The following NEK1 variants were observed in gnomAD, a reference collection of about 807,000 sequenced individuals.
NEK1 encodes the protein NIMA related kinase 1, also known as serine/threonine-protein kinase Nek1.
Under a neutral mutation model 182.1 loss-of-function variants are expected in NEK1, and 137 were observed. The ratio of observed to expected loss-of-function variants is 0.75; its 90% CI spans 0.65 to 0.87. The LOEUF is 0.87. Among genes scored for constraint, NEK1 ranks in the 40% least tolerant of loss-of-function variants. The pLI is 0.00. For missense variants in NEK1, 1,391 were observed against 1,494.4 expected (o/e 0.93, Z 1.14); for synonymous variants, 513 against 492.2 (o/e 1.04, Z -0.56).
At chr4:169,477,099 G>C (rs566829726) in intron 26 of NEK1, 25 bp downstream of exon 26, 18 of 1,479,656 alleles carry the variant, frequency 1.2e-5, no homozygotes, top group Non-Finnish European at 1.7e-5. Flanking sequence ...ACCTAAATAG[G>C]ATATTAATAT....
At chr4:169,566,870 G>A (rs1027591705) in intron 12 of NEK1, among the ~76,000 whole-genome samples, 3 of 152,134 alleles carry the variant, frequency 2.0e-5, no homozygotes, top group Non-Finnish European at 4.4e-5. Context: ...TTGGGAGGCC[G>A]AGGTGGGTGG....
At chr4:169,514,835 C>G (rs1372641782) in intron 19 of NEK1, among the ~76,000 whole-genome samples, 1 of 151,928 alleles carries the variant, frequency 6.6e-6, no homozygotes. Flanking sequence ...TATTACTGGT[C>G]TCAATTTTAT....
chr4:169,497,725 G>T (rs1311486312), intron 23 of NEK1, among the ~76,000 whole-genome samples: 3 of 152,142 alleles, frequency 2.0e-5, no homozygotes, highest in African/African-American at 2.4e-5. Context: ...TTGAGTGAGT[G>T]TCTTAATCCT....
intron 26 of NEK1, among the ~76,000 whole-genome samples, chr4:169,475,596 CAGA>C (rs757496931): frequency 1.3e-5 from 2 of 152,078 alleles, no homozygotes; most frequent in Non-Finnish European, 2.9e-5. Context: ...TGCAAAGAAG[CAGA>C]AGAATACAAC....
At chr4:169,589,113 T>C (rs1382244678) in intron 7 of NEK1, among the ~76,000 whole-genome samples, 1 of 152,218 alleles carries the variant, frequency 6.6e-6, no homozygotes, top group Admixed American at 6.5e-5. Flanking sequence ...GTATCTTTTC[T>C]ATGTTTAAAC....
intron 12 of NEK1, among the ~76,000 whole-genome samples, chr4:169,566,909 G>T (rs188155571): frequency 7.8e-4 from 119 of 152,174 alleles, no homozygotes; most frequent in African/African-American, 2.8e-3. Context: ...TTTGACAATA[G>T]CTTGAACAAC....
chr4:169,581,072 G>A (rs1039562917), intron 10 of NEK1, among the ~76,000 whole-genome samples, 170 bp from the exon 11 acceptor site: 3 of 143,738 alleles, frequency 2.1e-5, no homozygotes, highest in Non-Finnish European at 4.5e-5. Flanking sequence ...AAGAAGCCCA[G>A]GTGTCGTGGT....
Position 169,450,148 on chromosome 4 carries a change from G to A in NEK1, c.2588-11889C>T, listed in dbSNP as rs569624749. On this transcript the variant is annotated intron_variant, in intron 27 of 35. Transcript: ENST00000507142. ...TAGAGAAAAAAGAGTAAAAAGAAAC[G>A]AACAAGGCCTCCAAGAAATATGACA... Among the ~76,000 whole-genome samples, 6 of 152,106 alleles carry A rather than the reference G, an allele frequency of 3.9e-5. 1 individual carries two copies. Among genetic ancestry groups the A allele is most frequent in the African/African-American group, 1.2e-4 (5 of 41,510 alleles).
intron 19 of NEK1, among the ~76,000 whole-genome samples, chr4:169,514,599 GT>G (rs1754795104): frequency 6.6e-6 from 1 of 152,174 alleles, no homozygotes; most frequent in Non-Finnish European, 1.5e-5. Flanking sequence ...AGTTTTGGTA[GT>G]TTACGAATTT....
At chr4:169,473,258 A>C (rs548649497) in intron 26 of NEK1, among the ~76,000 whole-genome samples, 12 of 152,090 alleles carry the variant, frequency 7.9e-5, no homozygotes, top group East Asian at 1.9e-4. Flanking sequence ...AAAAAAAAAA[A>C]AAAACTGCAT....
rs1763017932 is a variant in NEK1, at chr4:169,562,138, T to G, written c.1079A>C (p.Glu360Ala). Residue 360 changes from glutamate to alanine, a missense_variant and splice_region_variant, in exon 13 of 36, where the codon GAG (glutamate) becomes GCG (alanine). By Grantham distance (107) the Glu-to-Ala change is moderately radical (BLOSUM62 -1). This residue lies in a region of NEK1 where 1,216 missense variants were observed against 1,277.6 expected (regional missense o/e 0.95). Transcript: ENST00000507142. ...ATAACCAGACAGATGTCTTTATACC[T>G]CAGATATTTTCCTCCTTTCTTCTCC... is the stretch of plus-strand genomic sequence containing the variant. ...NTGEERRKISEEAARKRRLEF... is the reference protein window; with the variant it reads ...NTGEERRKISAEAARKRRLEF... 1 of 1,532,548 alleles carries G rather than the reference T, an allele frequency of 6.5e-7. No homozygotes were observed. Among genetic ancestry groups the G allele is most frequent in the East Asian group, 2.4e-5 (1 of 41,328 alleles). 94.9% of individuals were successfully genotyped at this position (1,532,548 alleles called of 1,614,324 possible). A position where few individuals can be genotyped will look rare whatever the true frequency, so the allele number is the denominator to read the frequency against.
intron 19 of NEK1, among the ~76,000 whole-genome samples, chr4:169,509,644 A>G (rs1753868334): frequency 6.6e-6 from 1 of 152,106 alleles, no homozygotes; most frequent in Non-Finnish European, 1.5e-5. Flanking sequence ...AACTGAAATG[A>G]GCCCTTCTGA....
In NEK1 at chr4:169,612,036, G is replaced by T. The variant is rs1353470926; in HGVS notation, c.-65C>A. On this transcript the variant is annotated 5_prime_UTR_variant, in exon 2 of 36. Transcript: ENST00000507142. ...GGAACTCACCTCAGTGACACAGGAC[G>T]TTAGTAGGAATAACGGTGATGACTA... 6.6e-6 allele frequency: 1 copy of T among 152,222 alleles called. No homozygotes were observed. Among genetic ancestry groups the T allele is most frequent in the Non-Finnish European group, 1.5e-5 (1 of 68,044 alleles). The allele number at this position is 152,222 out of a possible 1,614,324, so 9.4% of individuals were successfully genotyped here.
At chr4:169,506,916 G>GA (rs891972257) in intron 23 of NEK1, 121 bp downstream of exon 23, 4 of 525,804 alleles carry the variant, frequency 7.6e-6, no homozygotes, top group African/African-American at 4.2e-5. Context: ...GTGAGAGAGA[G>GA]AATGAGAATG....
At chr4:169,570,476 C>A (rs367617759) in intron 12 of NEK1, among the ~76,000 whole-genome samples, 1 of 150,128 alleles carries the variant, frequency 6.7e-6, no homozygotes, top group African/African-American at 2.5e-5. Context: ...GCCCCCCGCC[C>A]GGCCAGCCGC....
chr4:169,407,305 A>G (rs969830339), intron 31 of NEK1, among the ~76,000 whole-genome samples: 1 of 152,092 alleles, frequency 6.6e-6, no homozygotes, highest in Non-Finnish European at 1.5e-5. Flanking sequence ...ACCACACATA[A>G]CTGACAGCCC....
intron 12 of NEK1, among the ~76,000 whole-genome samples, chr4:169,566,651 A>G (rs1441093066): frequency 6.6e-6 from 1 of 152,234 alleles, no homozygotes; most frequent in Non-Finnish European, 1.5e-5. Context: ...ATTAGCTTAA[A>G]TTTGTGCAAT....
In NEK1 at chr4:169,576,996, G is replaced by A. The variant is rs771792731; in HGVS notation, c.952C>T (p.Pro318Ser). ...TCTCCATATTTCTTATATGCTAAAGGTATTCCATATTTAGCGGCAGGCTTT... is the reference window on the plus strand; with the variant it reads ...TCTCCATATTTCTTATATGCTAAAGATATTCCATATTTAGCGGCAGGCTTT... The part of the protein sequence containing the change: ...ITKPAAKYGI[P>S]LAYKKYGDKK... The change falls in exon 12 of 36, where the codon CCT (proline) becomes TCT (serine). Residue 318 changes from proline to serine, a missense_variant. Physicochemically the swap from Pro to Ser is moderately conservative, Grantham distance 74. Around this residue, in one of 5 missense-constraint regions of NEK1, gnomAD observed 1,216 missense variants for 1,277.6 expected, o/e 0.95. Transcript: ENST00000507142. 8 of 1,611,800 alleles carry A rather than the reference G, an allele frequency of 5.0e-6. No individual in the cohort carries two copies. The African/African-American group carries it at 9.4e-5, about 19-fold the overall frequency.
chr4:169,593,013 A>G (rs1044041731), intron 5 of NEK1, among the ~76,000 whole-genome samples: 16 of 152,196 alleles, frequency 1.1e-4, no homozygotes, highest in Non-Finnish European at 2.9e-5. Context: ...AATGGAACAC[A>G]TCTTAGAAAC....
Sources: gnomAD v4.1 joint callset for allele counts (sites outside exome capture counted in the v4.1 genomes callset) on GRCh38, gnomAD v4.1.1 for gene constraint, gnomAD v4.1.1 regional missense constraint, MANE v1.5 for transcripts, NCBI Gene and HGNC (gene_info 2026-07-23, HGNC 2026-07-21) for gene names.